Variants in ZNF648 observed in about 807,000 individuals in gnomAD.
ZNF648 encodes zinc finger protein 648.
Under a neutral mutation model 0.3 loss-of-function variants are expected in ZNF648, and 1 was observed. That is an observed-to-expected ratio of 3.90 (90% CI 1.39 to 18.51). The LOEUF is 18.51. ZNF648 is among the 30% of genes most tolerant of loss of function. ZNF648 has a pLI of 0.11. For synonymous variants in ZNF648, 376 were observed against 326.8 expected (o/e 1.15, Z -1.62); for missense variants, 874 against 769.7 (o/e 1.14, Z -1.60).
chr1:182,058,106 A>G (rs1571279026), intron 1 of ZNF648, 33 bp from the exon 2 acceptor site: 2 of 1,436,336 alleles, frequency 1.4e-6, no homozygotes, highest in Non-Finnish European at 1.9e-6. Context: ...AGAAAATCAC[A>G]AAGAATGTAC....
the ZNF648 span, among the ~76,000 whole-genome samples, chr1:182,066,904 C>T: frequency 6.6e-6 from 1 of 152,296 alleles, no homozygotes; most frequent in South Asian, 2.1e-4. Context: ...CCCTTAATTA[C>T]TCTGCTTCCA....
Position 182,056,297 on chromosome 1 carries a change from G to A in ZNF648, c.*7C>T, listed in dbSNP as rs765841925. 26 of 1,600,492 alleles carry A rather than the reference G, an allele frequency of 1.6e-5. No individual in the cohort carries two copies. The South Asian group carries it at 2.4e-4, about 14-fold the overall frequency. On this transcript the variant is annotated 3_prime_UTR_variant, in exon 2 of 2. Coordinates refer to ENST00000339948, the MANE Select transcript of ZNF648 (RefSeq NM_001009992.1). Reference sequence around the variant, plus strand: ...GGTTCCAAGTAGTGAGGTCGACGATGCTATCTTCACTCGTCAGAGGAGGAA... The same window carrying A: ...GGTTCCAAGTAGTGAGGTCGACGATACTATCTTCACTCGTCAGAGGAGGAA...
chr1:182,056,420 G>T lies in ZNF648; in HGVS notation c.1591C>A (p.Pro531Thr). 6.2e-7 allele frequency: 1 copy of T among 1,614,196 alleles called. No homozygotes were observed. The highest frequency in any genetic ancestry group is 8.5e-7 in the Non-Finnish European group (1 of 1,180,030). Residue 531 changes from proline to threonine, a missense_variant, in exon 2 of 2, where the codon CCC (proline) becomes ACC (threonine). Transcript: ENST00000339948. ...QHIRMHNGER[P>T]YQCEDCGQAF... Reference sequence around the variant, plus strand: ...TGGCCGCAGTCCTCACACTGGTAGGGCCTCTCTCCGTTGTGCATTCGTATG... The same window carrying T: ...TGGCCGCAGTCCTCACACTGGTAGGTCCTCTCTCCGTTGTGCATTCGTATG...
At chr1:182,061,133 G>A (rs985088378) in intron 1 of ZNF648, among the ~76,000 whole-genome samples, 2 of 152,166 alleles carry the variant, frequency 1.3e-5, no homozygotes, top group Non-Finnish European at 2.9e-5. Context: ...GCTGCCACAC[G>A]CATGCTCTCG....
At chr1:182,059,145 A>G (rs1665990510) in intron 1 of ZNF648, among the ~76,000 whole-genome samples, 1 of 152,170 alleles carries the variant, frequency 6.6e-6, no homozygotes, top group Admixed American at 6.5e-5. Flanking sequence ...TATAGAAAAT[A>G]GTATTAAAGT....
Position 182,057,187 on chromosome 1 carries a change from G to T in ZNF648, c.824C>A (p.Ala275Asp). ...TAGCTCGCACGCGTAGCGCTTGGCGGCGCCGCCGCGCGTCTCCGCGGGGCT... is the reference window on the plus strand; with the variant it reads ...TAGCTCGCACGCGTAGCGCTTGGCGTCGCCGCCGCGCGTCTCCGCGGGGCT... ...PLSPAETRGG[A>D]AKRYACELCG... Residue 275 changes from alanine (A) to aspartate (D), a missense_variant, in exon 2 of 2, where the codon GCC (alanine) becomes GAC (aspartate). Transcript: ENST00000339948. 6.3e-7 allele frequency: 1 copy of T among 1,577,348 alleles called. No homozygotes were observed. Among genetic ancestry groups the T allele is most frequent in the Non-Finnish European group, 8.6e-7 (1 of 1,167,672 alleles).
At chr1:182,058,130 T>G (rs1337451350) in intron 1 of ZNF648, 57 bp from the exon 2 acceptor site, 6 of 1,260,420 alleles carry the variant, frequency 4.8e-6, no homozygotes, top group Non-Finnish European at 6.5e-6. Context: ...ATCACTTTCA[T>G]GAGCAGAGGG....
chr1:182,057,924 C>T lies in ZNF648; in HGVS notation c.87G>A (p.Leu29=). The T allele has an allele frequency of 6.2e-7, 1 of 1,614,076 alleles. No homozygotes were observed. Among genetic ancestry groups the T allele is most frequent in the Non-Finnish European group, 8.5e-7 (1 of 1,180,012 alleles). Reference sequence around the variant, plus strand: ...CATCGTCACTCTCTAAGTTCATGCTCAGCATCTGGGTGTCATGAGCTTCCT... The same window carrying T: ...CATCGTCACTCTCTAAGTTCATGCTTAGCATCTGGGTGTCATGAGCTTCCT... The part of the protein sequence containing the change: ...LTEEAHDTQM[L]SMNLESDDED... The change falls in exon 2 of 2, where the codon CTG becomes CTA. Residue 29 remains leucine, a synonymous_variant. Coordinates refer to ENST00000339948, the MANE Select transcript of ZNF648 (RefSeq NM_001009992.1).
intron 1 of ZNF648, among the ~76,000 whole-genome samples, chr1:182,059,160 TG>T (rs1308337324): frequency 2.6e-5 from 4 of 152,184 alleles, no homozygotes; most frequent in Non-Finnish European, 4.4e-5. Context: ...TAAAGTTACC[TG>T]GGTTTAAATG....
At chr1:182,062,768 G>A (rs1056700111), upstream of ZNF648, 2 of 152,208 alleles carry the variant, frequency 1.3e-5, no homozygotes, top group Non-Finnish European at 2.9e-5. Context: ...GTAAACATGT[G>A]CCATGCTGGT....
At chr1:182,058,784 A>C (rs763350434) in intron 1 of ZNF648, among the ~76,000 whole-genome samples, 3 of 152,200 alleles carry the variant, frequency 2.0e-5, no homozygotes, top group Non-Finnish European at 2.9e-5. Context: ...ATTTTGCTTC[A>C]TCATAAACAT....
At position 182,056,310 on chromosome 1, in the gene ZNF648, G is replaced by C. The variant is rs1205333128; in HGVS notation, c.1701C>G (p.Asp567Glu). 3.7e-6 allele frequency: 6 copies of C among 1,609,536 alleles called. No individual in the cohort carries two copies. Among genetic ancestry groups the C allele is most frequent in the Non-Finnish European group, 5.1e-6 (6 of 1,177,540 alleles). The change falls in exon 2 of 2, where the codon GAC becomes GAG. Residue 567 changes from aspartate (D) to glutamate (E), a missense_variant. By Grantham distance (45) the Asp-to-Glu change is conservative (BLOSUM62 2). Transcript: ENST00000339948. The part of the protein sequence containing the change: ...CKKEPIPSSS[D>E]E ...GAGGTCGACGATGCTATCTTCACTC[G>C]TCAGAGGAGGAAGGGATGGGCTCCT...
the ZNF648 span, among the ~76,000 whole-genome samples, chr1:182,068,546 A>T: frequency 6.6e-6 from 1 of 152,236 alleles, no homozygotes; most frequent in Non-Finnish European, 1.5e-5. Context: ...ACTGTATCTC[A>T]TAGTCTGGTT....
At position 182,055,499 on chromosome 1, in the gene ZNF648, G is replaced by A. The variant is rs994182164; in HGVS notation, c.*805C>T. The A allele has an allele frequency of 2.0e-5, 3 of 152,212 alleles. No individual in the cohort carries two copies. The highest frequency in any genetic ancestry group is 7.2e-5 in the African/African-American group (3 of 41,452). The allele number at this position is 152,212 out of a possible 1,614,324, so 9.4% of individuals were successfully genotyped here. On this transcript the variant is annotated 3_prime_UTR_variant, in exon 2 of 2. Coordinates refer to ENST00000339948, the MANE Select transcript of ZNF648 (RefSeq NM_001009992.1). The surrounding 1 kb of genome is among the most constrained non-coding windows in gnomAD (Gnocchi z 4.1). The stretch of plus-strand genomic sequence containing the variant: ...AGCCCTCAGAGTGCAAACAGGAAAA[G>A]AGGCAGCCAGAGAGAAGGCATATAT...
At position 182,056,612 on chromosome 1, in the gene ZNF648, G is replaced by C. The variant is rs1665916352; in HGVS notation, c.1399C>G (p.Gln467Glu). Residue 467 changes from glutamine to glutamate, a missense_variant, in exon 2 of 2, where the codon CAG becomes GAG. Coordinates refer to ENST00000339948, the MANE Select transcript of ZNF648 (RefSeq NM_001009992.1). ...GGCCTCTCGCCAGTGTGGATGCGCT[G>C]GTGGCGCACGAGGCGCGAGGGCTGC... Reference protein sequence around the residue: ...FAQPSRLVRHQRIHTGERPFP... With the variant: ...FAQPSRLVRHERIHTGERPFP... 8 of 1,613,094 alleles carry C rather than the reference G, an allele frequency of 5.0e-6. No homozygotes were observed. The East Asian group carries it at 1.8e-4, about 36-fold the overall frequency.
chr1:182,066,880 T>C, the ZNF648 span, among the ~76,000 whole-genome samples: 1 of 152,198 alleles, frequency 6.6e-6, no homozygotes, highest in Non-Finnish European at 1.5e-5. Flanking sequence ...ATCCCTGTTC[T>C]TCCAGAATGC....
Position 182,056,175 on chromosome 1 carries a change from T to G in ZNF648, c.*129A>C. 1 of 1,253,972 alleles carries G rather than the reference T, an allele frequency of 8.0e-7. No individual in the cohort carries two copies. Among genetic ancestry groups the G allele is most frequent in the East Asian group, 2.4e-5 (1 of 40,992 alleles). The allele number at this position is 1,253,972 out of a possible 1,614,324, so 77.7% of individuals were successfully genotyped here. On this transcript the variant is annotated 3_prime_UTR_variant, in exon 2 of 2. Transcript: ENST00000339948. ...GTGACTTTCTGTTCAAGGGATCAAA[T>G]AAATAATCAAATGGACCACTGATGA...
rs949718298 is a variant in ZNF648 at position 182,056,690 on chromosome 1, G to A, written c.1321C>T (p.Leu441=). 6 of 1,601,428 alleles carry A rather than the reference G, an allele frequency of 3.7e-6. No individual in the cohort carries two copies. Among genetic ancestry groups the A allele is most frequent in the Non-Finnish European group, 5.1e-6 (6 of 1,173,892 alleles). ...TTGAAAGGCCTCTGGCCGGTGTGCA[G>A]CGTCTGGTGCTCGGACAGATTGGAG... ...KSSNLSEHQT[L]HTGQRPFKCA... Residue 441 remains leucine (L), a synonymous_variant, in exon 2 of 2, where the codon CTG becomes TTG. Coordinates refer to ENST00000339948, the MANE Select transcript of ZNF648 (RefSeq NM_001009992.1).
chr1:182,061,081 GC>G (rs1464564001), intron 1 of ZNF648, among the ~76,000 whole-genome samples: 2 of 152,166 alleles, frequency 1.3e-5, no homozygotes, highest in African/African-American at 2.4e-5. Flanking sequence ...TCCATCTGAA[GC>G]CATATCCCCA....
Sources: gnomAD v4.1 joint callset for allele counts (sites outside exome capture counted in the v4.1 genomes callset) on GRCh38, gnomAD v4.1.1 for gene constraint, Gnocchi (gnomAD v3.1) non-coding constraint, MANE v1.5 for transcripts, NCBI Gene and HGNC (gene_info 2026-07-23, HGNC 2026-07-21) for gene names.